CILP2: variants seen among roughly 807,000 people sequenced by gnomAD.
CILP2 encodes the protein cartilage intermediate layer protein 2.
A neutral mutation model predicts 45.6 loss-of-function variants in CILP2; 38 were observed. The ratio of observed to expected loss-of-function variants is 0.83; its 90% CI spans 0.64 to 1.09. CILP2 has a LOEUF of 1.09. Ranked by LOEUF, CILP2 falls within the 50% of genes least tolerant of loss-of-function variation. The probability of loss-of-function intolerance (pLI) is 0.00; values close to 1 mark genes in which losing one functional copy is unlikely to be tolerated. For missense variants in CILP2, 1,735 were observed against 1,662.2 expected, an observed-to-expected ratio of 1.04 and a Z score of -0.76; for synonymous variants, 780 against 723.5, an observed-to-expected ratio of 1.08 and a Z score of -1.25.
In CILP2 at chr19:19,543,728, A is replaced by G; in HGVS notation, c.1183A>G (p.Lys395Glu). 1 of 1,609,746 alleles carries G rather than the reference A, an allele frequency of 6.2e-7. No homozygotes were observed. Among genetic ancestry groups the G allele is most frequent in the Non-Finnish European group, 8.5e-7 (1 of 1,177,116 alleles). The change falls in exon 8 of 8, where the codon AAG becomes GAG. Residue 395 changes from lysine (K) to glutamate (E), a missense_variant. Lys to Glu is a moderately conservative substitution (Grantham distance 56). Transcript: ENST00000291495. ...CDPRPREYLI[K>E]LPEDCGQPGS... ...CCCCCGGCCCCGAGAGTACCTGATC[A>G]AGCTCCCTGAGGACTGTGGTCAGCC... is the stretch of plus-strand genomic sequence containing the variant.
chr19:19,542,902 C>T lies in CILP2; in HGVS notation c.907C>T (p.Arg303Ter), dbSNP rs763530960. ...YLVKHPESRV[R>*]EAGQNVTFCC... ...GGTGAAACACCCTGAGTCCCGAGTG[C>T]GAGAGGCTGGCCAGAATGTGACTTT... Residue 303 changes from arginine to a stop codon, truncating the protein, a stop_gained, in exon 6 of 8, where the codon CGA becomes TGA. Transcript: ENST00000291495. LOFTEE classifies it high-confidence loss of function. 1.5e-5 allele frequency: 25 copies of T among 1,614,042 alleles called. No individual in the cohort carries two copies. In the South Asian group the frequency reaches 2.2e-4, roughly 14 times the overall value.
chr19:19,542,639 T>C lies in CILP2; in HGVS notation c.857T>C (p.Leu286Pro). 1.2e-6 allele frequency: 2 copies of C among 1,613,300 alleles called. No homozygotes were observed. Among genetic ancestry groups the C allele is most frequent in the Non-Finnish European group, 1.7e-6 (2 of 1,179,376 alleles). The change falls in exon 5 of 8, where the codon CTT becomes CCT. Residue 286 changes from leucine (L) to proline (P), a missense_variant. Leu to Pro is a moderately conservative substitution (Grantham distance 98, BLOSUM62 -3). Coordinates refer to ENST00000291495, the MANE Select transcript of CILP2 (RefSeq NM_153221.2). Reference protein sequence around the residue: ...NGSISVVTIILDKLEKPYLVK... With the variant: ...NGSISVVTIIPDKLEKPYLVK... ...TCCATCTCTGTGGTCACCATCATCC[T>C]TGATAAGTTGGGTAAGCACCCTTGC...
rs1320145746 is a variant in CILP2 at position 19,545,173 on chromosome 19, G to A, written c.2628G>A (p.Gly876=). 3 of 1,612,802 alleles carry A rather than the reference G, an allele frequency of 1.9e-6. No homozygotes were observed. Among genetic ancestry groups the A allele is most frequent in the Admixed American group, 3.3e-5 (2 of 60,008 alleles). The change falls in exon 8 of 8, where the codon GGG becomes GGA. Residue 876 remains glycine (G), a synonymous_variant. Transcript: ENST00000291495. ...CAGGTGACCCCGCCGAGGCCAATGG[G>A]CCTGTGTACCCGTGGCGCAGCCTGC... ...PRPGDPAEAN[G]PVYPWRSLRE... is the part of the protein sequence containing the mutation.
chr19:19,539,130 G>C (rs1391308603), intron 1 of CILP2, among the ~76,000 whole-genome samples: 2 of 152,200 alleles, frequency 1.3e-5, no homozygotes, highest in Admixed American at 1.3e-4. Flanking sequence ...CGGGGGGTTA[G>C]GGCTAGGTCA....
At chr19:19,543,503 G>A in intron 7 of CILP2, 98 bp downstream of exon 7, 2 of 1,475,648 alleles carry the variant, frequency 1.4e-6, no homozygotes, top group Non-Finnish European at 1.9e-6. Context: ...ACTTCAGACT[G>A]ATCCAATCCT....
At position 19,540,343 on chromosome 19, in the gene CILP2, G is replaced by T; in HGVS notation, c.303G>T (p.Thr101=). 1 of 1,563,096 alleles carries T rather than the reference G, an allele frequency of 6.4e-7. No homozygotes were observed. Among genetic ancestry groups the T allele is most frequent in the Non-Finnish European group, 8.6e-7 (1 of 1,159,532 alleles). Residue 101 remains threonine, a synonymous_variant, in exon 3 of 8, where the codon ACG becomes ACT. Coordinates refer to ENST00000291495, the MANE Select transcript of CILP2 (RefSeq NM_153221.2). Reference sequence around the variant, plus strand: ...CGCTGGCGCTGGAAGCGCGCACCACGGACTGGGCCCTGCCGTCCGCCGTCG... The same window carrying T: ...CGCTGGCGCTGGAAGCGCGCACCACTGACTGGGCCCTGCCGTCCGCCGTCG... ...PRPLALEART[T]DWALPSAVGE...
intron 3 of CILP2, 91 bp from the exon 4 acceptor site, chr19:19,541,000 T>C (rs1224419766): frequency 1.1e-5 from 12 of 1,140,444 alleles, no homozygotes; most frequent in Non-Finnish European, 1.3e-5. Context: ...TGTGAGGGGG[T>C]TGGGGAAGAA....
At position 19,538,302 on chromosome 19, in the gene CILP2, G is replaced by C. The variant is rs1278271364; in HGVS notation, c.-48G>C. 2 of 1,530,224 alleles carry C rather than the reference G, an allele frequency of 1.3e-6. No individual in the cohort carries two copies. The highest frequency in any genetic ancestry group is 1.2e-5 in the South Asian group (1 of 84,712). 94.8% of individuals were successfully genotyped at this position (1,530,224 alleles called of 1,614,324 possible). A position where few individuals can be genotyped will look rare whatever the true frequency, so the allele number is the denominator to read the frequency against. On this transcript the variant is annotated 5_prime_UTR_variant, in exon 1 of 8. Transcript: ENST00000291495. ...CGCCAGACCCGCCGGAGTTGGACCC[G>C]AGCACGCCGCGGAGCCCGGACCCTC...
At chr19:19,541,600 G>A (rs2061244571) in intron 4 of CILP2, among the ~76,000 whole-genome samples, 2 of 152,186 alleles carry the variant, frequency 1.3e-5, no homozygotes, top group South Asian at 2.1e-4. Context: ...CAGATAGGAG[G>A]GGGTGCTTCC....
intron 3 of CILP2, 83 bp downstream of exon 3, chr19:19,540,559 C>T: frequency 6.4e-6 from 1 of 156,654 alleles, no homozygotes; most frequent in South Asian, 9.9e-5. Flanking sequence ...GTGGGTGGGG[C>T]TGGGAGGGGC....
chr19:19,539,997 C>A (rs993693065), intron 2 of CILP2, among the ~76,000 whole-genome samples: 1 of 152,244 alleles, frequency 6.6e-6, no homozygotes, highest in Non-Finnish European at 1.5e-5. Context: ...CGGGATGGAC[C>A]AGGTCAGGCC....
In CILP2 at chr19:19,542,379, C is replaced by T. The variant is rs772221730; in HGVS notation, c.597C>T (p.Cys199=). ...TTCCTCTCCATATCCCCCCAGGGTG[C>T]AGCCTTGACACCTGTGAATGCCCGG... ...QKCVRPRCPG[C]SLDTCECPDH... Residue 199 remains cysteine, a synonymous_variant, in exon 5 of 8, where the codon TGC becomes TGT. Coordinates refer to ENST00000291495, the MANE Select transcript of CILP2 (RefSeq NM_153221.2). 1.2e-6 allele frequency: 2 copies of T among 1,609,516 alleles called. No individual in the cohort carries two copies. Among genetic ancestry groups the T allele is most frequent in the East Asian group, 2.2e-5 (1 of 44,798 alleles).
intron 7 of CILP2, 65 bp from the exon 8 acceptor site, chr19:19,543,616 C>A (rs1600377969): frequency 1.3e-6 from 2 of 1,486,690 alleles, no homozygotes; most frequent in South Asian, 1.3e-5. Flanking sequence ...CAGACAGAGT[C>A]CCCAGCCTTG....
chr19:19,540,996 G>A lies in CILP2; in HGVS notation c.437-95G>A, dbSNP rs962872416. 8 of 1,117,448 alleles carry A rather than the reference G, an allele frequency of 7.2e-6. No individual in the cohort carries two copies. The South Asian group carries it at 2.2e-4, about 31-fold the overall frequency. The allele number at this position is 1,117,448 out of a possible 1,614,324, so 69.2% of individuals were successfully genotyped here. A position where few individuals can be genotyped will look rare whatever the true frequency, so the allele number is the denominator to read the frequency against. On this transcript the variant is annotated intron_variant, in intron 3 of 7. Coordinates refer to ENST00000291495, the MANE Select transcript of CILP2 (RefSeq NM_153221.2). The stretch of plus-strand genomic sequence containing the variant: ...CCGCCCTTGGATGCACATATGTGAG[G>A]GGGTTGGGGAAGAAGGGTCCTTTAG...
rs1465369622 is a variant in CILP2 at position 19,542,909 on chromosome 19, C to T, written c.914C>T (p.Ala305Val). ...CACCCTGAGTCCCGAGTGCGAGAGG[C>T]TGGCCAGAATGTGACTTTCTGCTGC... The part of the protein sequence containing the change: ...VKHPESRVRE[A>V]GQNVTFCCKA... The change falls in exon 6 of 8, where the codon GCT (alanine) becomes GTT (valine). Residue 305 changes from alanine to valine, a missense_variant. Transcript: ENST00000291495. 1 of 1,614,134 alleles carries T rather than the reference C, an allele frequency of 6.2e-7. No homozygotes were observed. The highest frequency in any genetic ancestry group is 1.1e-5 in the South Asian group (1 of 91,080).
rs2061253349 is a variant in CILP2, at chr19:19,543,929, G to A, written c.1384G>A (p.Glu462Lys). 6.2e-7 allele frequency: 1 copy of A among 1,613,434 alleles called. No individual in the cohort carries two copies. Among genetic ancestry groups the A allele is most frequent in the Admixed American group, 1.7e-5 (1 of 59,938 alleles). The part of the protein sequence containing the change: ...GYVLPVKVVA[E>K]CGCQKCLPPR... ...CGTCCTCCCAGTGAAGGTGGTGGCA[G>A]AGTGTGGCTGCCAGAAGTGTCTGCC... The change falls in exon 8 of 8, where the codon GAG becomes AAG. Residue 462 changes from glutamate (E) to lysine (K), a missense_variant. Coordinates refer to ENST00000291495, the MANE Select transcript of CILP2 (RefSeq NM_153221.2).
In CILP2 at chr19:19,544,895, G is replaced by A; in HGVS notation, c.2350G>A (p.Ala784Thr). Residue 784 changes from alanine to threonine, a missense_variant, in exon 8 of 8, where the codon GCG becomes ACG. Coordinates refer to ENST00000291495, the MANE Select transcript of CILP2 (RefSeq NM_153221.2). ...NPRAWGRFDS[A>T]VTGPNGACLP... ...CCGTGCCTGGGGCCGCTTTGACAGC[G>A]CGGTCACCGGCCCCAATGGCGCCTG... is the stretch of plus-strand genomic sequence containing the variant. 11 of 1,589,004 alleles carry A rather than the reference G, an allele frequency of 6.9e-6. No homozygotes were observed. Among genetic ancestry groups the A allele is most frequent in the Admixed American group, 1.7e-5 (1 of 57,604 alleles).
chr19:19,539,285 C>T (rs2061234175), intron 1 of CILP2, among the ~76,000 whole-genome samples: 1 of 152,056 alleles, frequency 6.6e-6, no homozygotes, highest in African/African-American at 2.4e-5. Flanking sequence ...GATCATGGGC[C>T]AAGCACGGTG....
chr19:19,540,073 C>T, intron 2 of CILP2, 131 bp from the exon 3 acceptor site: 5 of 1,268,390 alleles, frequency 3.9e-6, no homozygotes, highest in Non-Finnish European at 5.2e-6. Flanking sequence ...GCCGCTGGCT[C>T]GGGTCGTGGG....
Sources: allele counts gnomAD v4.1 joint callset (sites outside exome capture counted in the v4.1 genomes callset), GRCh38; gene constraint gnomAD v4.1.1; transcripts MANE v1.5; gene names NCBI Gene and HGNC (gene_info 2026-07-23, HGNC 2026-07-21).